The following CLNK variants were observed in gnomAD, a reference collection of about 807,000 sequenced individuals.
CLNK encodes cytokine-dependent hematopoietic cell linker.
Under a neutral mutation model 68.6 loss-of-function variants are expected in CLNK, and 74 were observed. That is an observed-to-expected ratio of 1.08 (90% CI 0.89 to 1.31). CLNK has a LOEUF of 1.31. Ranked by LOEUF, CLNK falls within the 50% of genes most tolerant of loss-of-function variation. CLNK has a pLI of 0.00. For missense variants in CLNK, 553 were observed against 515.3 expected, an observed-to-expected ratio of 1.07 and a Z score of -0.71; for synonymous variants, 198 against 172.2, an observed-to-expected ratio of 1.15 and a Z score of -1.17.
At chr4:10,701,402 C>A in the CLNK span, among the ~76,000 whole-genome samples, 1 of 152,194 alleles carries the variant, frequency 6.6e-6, no homozygotes, top group Non-Finnish European at 1.5e-5. Flanking sequence ...TGAAAGCCAG[C>A]ATTATTTGCT....
At chr4:10,531,995 G>C (rs1186305330) in intron 12 of CLNK, among the ~76,000 whole-genome samples, 3 of 152,232 alleles carry the variant, frequency 2.0e-5, no homozygotes, top group Non-Finnish European at 4.4e-5. Context: ...TATCTTCCAT[G>C]TGGAACTGGG....
In CLNK at chr4:10,488,495, A is replaced by G. The variant is rs773425219; in HGVS notation, c.*1972T>C. 1 of 152,250 alleles carries G rather than the reference A, an allele frequency of 6.6e-6. No homozygotes were observed. Among genetic ancestry groups the G allele is most frequent in the Non-Finnish European group, 1.5e-5 (1 of 68,064 alleles). 9.4% of individuals were successfully genotyped at this position (152,250 alleles called of 1,614,324 possible). A position where few individuals can be genotyped will look rare whatever the true frequency, so the allele number is the denominator to read the frequency against. Reference sequence around the variant, plus strand: ...TGTTGAATTCCAGTAGAGAATGACCAGCAACCATACAGCTTTTAGCTTTGA... The same window carrying G: ...TGTTGAATTCCAGTAGAGAATGACCGGCAACCATACAGCTTTTAGCTTTGA... On this transcript the variant is annotated 3_prime_UTR_variant, in exon 19 of 19. Transcript: ENST00000226951.
intron 14 of CLNK, among the ~76,000 whole-genome samples, chr4:10,521,383 T>C (rs534172766): frequency 3.3e-5 from 5 of 152,354 alleles, no homozygotes; most frequent in African/African-American, 1.2e-4. Flanking sequence ...AAAATGATAT[T>C]ATCAAGACTG....
At chr4:10,650,344 T>G (rs542380347) in intron 2 of CLNK, among the ~76,000 whole-genome samples, 1 of 152,220 alleles carries the variant, frequency 6.6e-6, no homozygotes, top group South Asian at 2.1e-4. Flanking sequence ...CTCAAAGAGA[T>G]AATGACAGAG....
chr4:10,650,437 C>T (rs1201847222), intron 2 of CLNK, among the ~76,000 whole-genome samples: 1 of 152,062 alleles, frequency 6.6e-6, no homozygotes, highest in African/African-American at 2.4e-5. Context: ...AAAAAACTCA[C>T]ATCTATCCAT....
chr4:10,498,967 ACC>A (rs1177985766), intron 18 of CLNK, among the ~76,000 whole-genome samples: 107 of 135,634 alleles, frequency 7.9e-4, no homozygotes, highest in African/African-American at 2.8e-3. Flanking sequence ...AATTCATTGT[ACC>A]CCCCCCCCCC....
rs367694077 is a variant in CLNK, at chr4:10,621,013, G to A, written c.12-22964C>T. On this transcript the variant is annotated intron_variant, in intron 2 of 18. Transcript: ENST00000226951. ...TAGTCCCAGCTGCTCAGGAGGCTGAGGCAGGATAATGGCGTGAACCCGGGA... is the reference window on the plus strand; with the variant it reads ...TAGTCCCAGCTGCTCAGGAGGCTGAAGCAGGATAATGGCGTGAACCCGGGA... Among the ~76,000 whole-genome samples the A allele has an allele frequency of 2.8e-3, 424 of 152,232 alleles. 6 individuals carry two copies. The South Asian group carries it at 0.032, about 11-fold the overall frequency.
chr4:10,715,877 T>A, the CLNK span, among the ~76,000 whole-genome samples: 1 of 152,134 alleles, frequency 6.6e-6, no homozygotes, highest in Non-Finnish European at 1.5e-5. Flanking sequence ...GGCCTGCAGA[T>A]GTAGGAAAAT....
chr4:10,569,265 G>A (rs1179452297), intron 5 of CLNK, among the ~76,000 whole-genome samples: 4 of 145,080 alleles, frequency 2.8e-5, no homozygotes, highest in African/African-American at 7.8e-5. Flanking sequence ...CATTGGTACT[G>A]CACAACATTT....
chr4:10,720,298 T>C, the CLNK span, among the ~76,000 whole-genome samples: 1 of 152,098 alleles, frequency 6.6e-6, no homozygotes, highest in East Asian at 1.9e-4. Flanking sequence ...CAAGTTTCTC[T>C]GAAAAGGCTG....
chr4:10,668,941 G>C (rs1385792515), intron 1 of CLNK, among the ~76,000 whole-genome samples: 1 of 152,164 alleles, frequency 6.6e-6, no homozygotes, highest in Non-Finnish European at 1.5e-5. Context: ...TCCCAGATGA[G>C]AGGAATAGGG....
chr4:10,731,861 G>A, the CLNK span, among the ~76,000 whole-genome samples: 19 of 152,296 alleles, frequency 1.2e-4, no homozygotes, highest in Admixed American at 7.2e-4. Flanking sequence ...CAAATCTAAC[G>A]TAGTCTGAAG....
chr4:10,662,616 T>C (rs567871546), intron 2 of CLNK, among the ~76,000 whole-genome samples: 31 of 152,288 alleles, frequency 2.0e-4, no homozygotes, highest in South Asian at 2.1e-4. Flanking sequence ...CAAAACACCA[T>C]GATTTTAAAG....
intron 17 of CLNK, among the ~76,000 whole-genome samples, chr4:10,506,529 T>C (rs545126384): frequency 3.0e-4 from 45 of 152,260 alleles, no homozygotes; most frequent in African/African-American, 1.0e-3. Flanking sequence ...CAATCTCTGC[T>C]CCTTTCTCGA....
chr4:10,726,458 G>A, the CLNK span, among the ~76,000 whole-genome samples: 1 of 152,030 alleles, frequency 6.6e-6, no homozygotes, highest in Admixed American at 6.5e-5. Context: ...CTTTTTGTAA[G>A]GACACCAGTT....
At chr4:10,535,942 C>T (rs1455113601) in intron 11 of CLNK, among the ~76,000 whole-genome samples, 1 of 152,188 alleles carries the variant, frequency 6.6e-6, no homozygotes, top group Non-Finnish European at 1.5e-5. Flanking sequence ...ATTCTCCAAA[C>T]TTCGAAGTTC....
the CLNK span, among the ~76,000 whole-genome samples, chr4:10,692,337 T>C: frequency 2.0e-5 from 3 of 152,180 alleles, no homozygotes; most frequent in Non-Finnish European, 4.4e-5. Context: ...CACTTGCCCT[T>C]GCCAGTATTT....
Position 10,649,137 on chromosome 4 carries a change from T to C in CLNK, c.11+18722A>G, listed in dbSNP as rs573078525. 9.2e-5 allele frequency among the ~76,000 whole-genome samples: 14 copies of C among 152,278 alleles called. No homozygotes were observed. The East Asian group carries it at 2.7e-3, about 29-fold the overall frequency. ...CTTTACGTAAAAATAAGAGCACCAATGATTGAATGAAAAACGTAAAATCCT... is the reference window on the plus strand; with the variant it reads ...CTTTACGTAAAAATAAGAGCACCAACGATTGAATGAAAAACGTAAAATCCT... On this transcript the variant is annotated intron_variant, in intron 2 of 18. Coordinates refer to ENST00000226951, the MANE Select transcript of CLNK (RefSeq NM_052964.4).
chr4:10,581,898 C>T (rs549198095), intron 4 of CLNK, among the ~76,000 whole-genome samples: 2 of 152,232 alleles, frequency 1.3e-5, no homozygotes, highest in South Asian at 4.2e-4. Context: ...CTTTTTAACC[C>T]TTGGTCAGCA....
Sources: gnomAD v4.1 joint callset for allele counts (sites outside exome capture counted in the v4.1 genomes callset) on GRCh38, gnomAD v4.1.1 for gene constraint, MANE v1.5 for transcripts, NCBI Gene and HGNC (gene_info 2026-07-23, HGNC 2026-07-21) for gene names.